Variants in CRIPTO observed in about 807,000 individuals in gnomAD.
CRIPTO encodes cripto, EGF-CFC family member, also known as protein Cripto.
the CRIPTO span, chr3:46,579,240 C>T: frequency 1.9e-6 from 3 of 1,614,102 alleles, no homozygotes; most frequent in South Asian, 3.3e-5. Context: ...AGGGCTGGGC[C>T]ATCAGGAATT....
At chr3:46,580,196 C>T in the CRIPTO span, 2 of 1,157,450 alleles carry the variant, frequency 1.7e-6, no homozygotes, top group Non-Finnish European at 2.5e-6. Flanking sequence ...ATAAAAGCAT[C>T]GCAGACTCCT....
the CRIPTO span, chr3:46,581,130 A>G: frequency 6.2e-7 from 1 of 1,612,908 alleles, no homozygotes; most frequent in Non-Finnish European, 8.5e-7. Flanking sequence ...CCTACCTTCC[A>G]GATGGCCTTG....
At chr3:46,581,200 A>G in the CRIPTO span, 2 of 1,614,194 alleles carry the variant, frequency 1.2e-6, no homozygotes, top group Non-Finnish European at 1.7e-6. Flanking sequence ...TGCACGTACT[A>G]CCACTTTTAT....
chr3:46,579,273 C>G, the CRIPTO span: 2 of 1,614,076 alleles, frequency 1.2e-6, no homozygotes, highest in African/African-American at 1.3e-5. Flanking sequence ...TCGGGGATAC[C>G]TGGCCTTCAG....
the CRIPTO span, among the ~76,000 whole-genome samples, chr3:46,576,659 A>G: frequency 1.3e-5 from 2 of 152,246 alleles, no homozygotes; most frequent in African/African-American, 4.8e-5. Flanking sequence ...GGAAACAACT[A>G]TCTAATAAAA....
chr3:46,577,326 AT>A, the CRIPTO span: 1 of 153,312 alleles, frequency 6.5e-6, no homozygotes, highest in Non-Finnish European at 1.5e-5. Context: ...CCACCCGGGT[AT>A]CCCCCAGGGG....
At chr3:46,581,422 A>G in the CRIPTO span, 1 of 671,078 alleles carries the variant, frequency 1.5e-6, no homozygotes, top group Non-Finnish European at 2.7e-6. Flanking sequence ...ACTACTTCTT[A>G]CTTCTTTGCC....
chr3:46,581,614 A>G, the CRIPTO span: 1 of 548,718 alleles, frequency 1.8e-6, no homozygotes, highest in South Asian at 2.7e-5. Flanking sequence ...GGTTCAAGCC[A>G]TTCTCCTGCC....
the CRIPTO span, chr3:46,578,025 T>C: frequency 6.2e-7 from 1 of 1,613,782 alleles, no homozygotes; most frequent in Non-Finnish European, 8.5e-7. Context: ...ATCTTGAATG[T>C]GAACTTTTTT....
the CRIPTO span, chr3:46,579,440 T>C: frequency 6.2e-7 from 1 of 1,612,096 alleles, no homozygotes; most frequent in Non-Finnish European, 8.5e-7. Flanking sequence ...CAACACTCTT[T>C]CACCTAAAAG....
At chr3:46,576,848 C>A in the CRIPTO span, among the ~76,000 whole-genome samples, 111 of 152,184 alleles carry the variant, frequency 7.3e-4, no homozygotes, top group African/African-American at 2.3e-3. Context: ...GCCTCTCCAT[C>A]TGGGGCGTCT....
the CRIPTO span, chr3:46,579,825 C>T: frequency 5.0e-6 from 8 of 1,613,970 alleles, no homozygotes; most frequent in Admixed American, 1.7e-5. Context: ...CTTCTACGGA[C>T]GGAACTGTGA....
the CRIPTO span, among the ~76,000 whole-genome samples, chr3:46,578,619 G>T: frequency 6.6e-6 from 1 of 152,130 alleles, no homozygotes; most frequent in African/African-American, 2.4e-5. Context: ...TGAGGCAGGA[G>T]AATTGCTTGA....
At chr3:46,578,933 T>C in the CRIPTO span, among the ~76,000 whole-genome samples, 1 of 152,120 alleles carries the variant, frequency 6.6e-6, no homozygotes, top group African/African-American at 2.4e-5. Flanking sequence ...TCAACATTTT[T>C]CTTTGTTACA....
At chr3:46,575,147 T>C in the CRIPTO span, among the ~76,000 whole-genome samples, 1 of 152,160 alleles carries the variant, frequency 6.6e-6, no homozygotes, top group Non-Finnish European at 1.5e-5. Context: ...GTGGCCATCC[T>C]AGGGTAGCCA....
chr3:46,579,346 C>T, the CRIPTO span: 46 of 1,613,964 alleles, frequency 2.9e-5, no homozygotes, highest in African/African-American at 5.3e-5. Context: ...CAGCGTGTGC[C>T]GCCCATGGGG....
chr3:46,575,607 T>C, the CRIPTO span, among the ~76,000 whole-genome samples: 4 of 152,274 alleles, frequency 2.6e-5, no homozygotes, highest in African/African-American at 9.6e-5. Context: ...GAGACCTCAG[T>C]TACTTCCTCT....
At chr3:46,579,875 G>T in the CRIPTO span, 2 of 1,614,090 alleles carry the variant, frequency 1.2e-6, no homozygotes, top group Non-Finnish European at 1.7e-6. Flanking sequence ...AGAGGGGCGG[G>T]GAGCCGTGGA....
the CRIPTO span, among the ~76,000 whole-genome samples, chr3:46,578,660 G>C: frequency 8.5e-5 from 13 of 152,092 alleles, no homozygotes; most frequent in Admixed American, 3.3e-4. Flanking sequence ...AGCCGAGATC[G>C]CACCATTGCA....
Sources: allele counts gnomAD v4.1 joint callset (sites outside exome capture counted in the v4.1 genomes callset), GRCh38; gene constraint gnomAD v4.1.1; transcripts MANE v1.5; gene names NCBI Gene and HGNC (gene_info 2026-07-23, HGNC 2026-07-21).